The following SHC3 variants were observed in gnomAD, a reference collection of about 807,000 sequenced individuals.
The protein encoded by SHC3 is SHC adaptor protein 3, also known as SHC-transforming protein 3.
Under a neutral mutation model 60.4 loss-of-function variants are expected in SHC3, and 15 were observed. The observed-to-expected ratio is 0.25, with a 90% CI of 0.17 to 0.38. The LOEUF (loss-of-function observed/expected upper bound fraction) is 0.38. SHC3 is among the 10% of genes least tolerant of loss of function. The pLI is 1.00. For missense variants in SHC3, 677 were observed against 786.1 expected (o/e 0.86, Z 1.66); for synonymous variants, 294 against 325.9 (o/e 0.90, Z 1.05).
chr9:89,089,931 G>A (rs79564536), intron 2 of SHC3, among the ~76,000 whole-genome samples: 2,072 of 152,316 alleles, frequency 0.014, 20 homozygotes, highest in South Asian at 0.034. Context: ...CTGCCGGGCA[G>A]GGCCGCCAGC....
At chr9:89,046,677 C>T (rs1824780279) in intron 8 of SHC3, among the ~76,000 whole-genome samples, 167 bp downstream of exon 8, 1 of 152,192 alleles carries the variant, frequency 6.6e-6, no homozygotes, top group South Asian at 2.1e-4. Context: ...TAACCCAAAG[C>T]CTCTCTTCAT....
Position 89,012,580 on chromosome 9 carries a change from G to C in SHC3, c.*867C>G, listed in dbSNP as rs1587672172. Reference sequence around the variant, plus strand: ...GCAGCCTGTAGTCAACCGCTGACTAGAGGGAGACACAAACCAGGAATTTGC... The same window carrying C: ...GCAGCCTGTAGTCAACCGCTGACTACAGGGAGACACAAACCAGGAATTTGC... On this transcript the variant is annotated 3_prime_UTR_variant, in exon 12 of 12. Coordinates refer to ENST00000375835, the MANE Select transcript of SHC3 (RefSeq NM_016848.6). 1 of 152,196 alleles carries C rather than the reference G, an allele frequency of 6.6e-6. No homozygotes were observed. Among genetic ancestry groups the C allele is most frequent in the East Asian group, 1.9e-4 (1 of 5,196 alleles). 9.4% of individuals were successfully genotyped at this position (152,196 alleles called of 1,614,324 possible). A position where few individuals can be genotyped will look rare whatever the true frequency, so the allele number is the denominator to read the frequency against.
intron 11 of SHC3, among the ~76,000 whole-genome samples, chr9:89,022,073 C>T (rs577224422): frequency 4.5e-4 from 68 of 152,252 alleles, no homozygotes; most frequent in African/African-American, 1.6e-3. Flanking sequence ...TCAGCTGGTC[C>T]TCCAGCAAAC....
At chr9:89,017,887 G>T (rs1826122695) in intron 11 of SHC3, among the ~76,000 whole-genome samples, 5 of 152,180 alleles carry the variant, frequency 3.3e-5, no homozygotes, top group Admixed American at 2.0e-4. Context: ...ACAAACGTAT[G>T]AAAAGAAGCT....
chr9:89,048,819 C>T (rs1824814902), intron 7 of SHC3, among the ~76,000 whole-genome samples: 1 of 152,160 alleles, frequency 6.6e-6, no homozygotes, highest in Admixed American at 6.5e-5. Flanking sequence ...AAACGGAAGG[C>T]AGGGCAAGCT....
chr9:89,118,793 G>A (rs1489470651), intron 1 of SHC3, among the ~76,000 whole-genome samples: 1 of 152,074 alleles, frequency 6.6e-6, no homozygotes, highest in Non-Finnish European at 1.5e-5. Context: ...CCAGTAGGAG[G>A]GCAAAGCGAG....
intron 1 of SHC3, among the ~76,000 whole-genome samples, chr9:89,115,563 C>G (rs1826008298): frequency 6.6e-6 from 1 of 152,010 alleles, no homozygotes; most frequent in Non-Finnish European, 1.5e-5. Context: ...GTGCCATGTG[C>G]ATACCACCAG....
chr9:89,076,123 G>A (rs1825354286), intron 3 of SHC3, among the ~76,000 whole-genome samples: 1 of 152,130 alleles, frequency 6.6e-6, no homozygotes, highest in Non-Finnish European at 1.5e-5. Flanking sequence ...TTTCCACCAA[G>A]AGAACCATGA....
intron 1 of SHC3, among the ~76,000 whole-genome samples, chr9:89,135,173 G>C (rs1042066591): frequency 6.6e-6 from 1 of 152,158 alleles, no homozygotes; most frequent in East Asian, 1.9e-4. Flanking sequence ...TGACTCAAAC[G>C]GTGTGCTTTC....
In SHC3 at chr9:89,074,253, C is replaced by T. The variant is rs929772230; in HGVS notation, c.729+856G>A. Among the ~76,000 whole-genome samples, 10 of 152,002 alleles carry T rather than the reference C, an allele frequency of 6.6e-5. No individual in the cohort carries two copies. The East Asian group carries it at 1.7e-3, about 26-fold the overall frequency. Reference sequence around the variant, plus strand: ...CTGCGGGCATCCCTGGTGACAATGTCGGAATCAGGTAGAGTATTATATAGA... The same window carrying T: ...CTGCGGGCATCCCTGGTGACAATGTTGGAATCAGGTAGAGTATTATATAGA... On this transcript the variant is annotated intron_variant, in intron 4 of 11. Transcript: ENST00000375835.
chr9:89,164,850 C>A (rs1178129569), intron 1 of SHC3, among the ~76,000 whole-genome samples: 2 of 152,070 alleles, frequency 1.3e-5, no homozygotes, highest in Admixed American at 1.3e-4. Context: ...CACTTTGTAG[C>A]CAGGAGCAAC....
At chr9:89,018,011 G>A (rs1461522482) in intron 11 of SHC3, among the ~76,000 whole-genome samples, 1 of 152,152 alleles carries the variant, frequency 6.6e-6, no homozygotes, top group Non-Finnish European at 1.5e-5. Flanking sequence ...GAGAGGATGT[G>A]GAAAAATAGG....
chr9:89,174,377 C>T (rs1218234911), intron 1 of SHC3, among the ~76,000 whole-genome samples: 4 of 152,220 alleles, frequency 2.6e-5, no homozygotes. Flanking sequence ...TAATGCAGTA[C>T]TTTTCTGATC....
At chr9:89,158,561 T>C (rs1271805248) in intron 1 of SHC3, among the ~76,000 whole-genome samples, 1 of 152,214 alleles carries the variant, frequency 6.6e-6, no homozygotes, top group East Asian at 1.9e-4. Flanking sequence ...TCAGCTTTTG[T>C]CCATCCTTGC....
rs192868138 is a variant in SHC3 at position 89,101,617 on chromosome 9, A to T, written c.545+10939T>A. On this transcript the variant is annotated intron_variant, in intron 2 of 11. Coordinates refer to ENST00000375835, the MANE Select transcript of SHC3 (RefSeq NM_016848.6). The stretch of plus-strand genomic sequence containing the variant: ...TGTTGAGATTTTCATATATATATAT[A>T]TATTTTTTTTAATTTGCCAATATGG... Among the ~76,000 whole-genome samples the T allele has an allele frequency of 1.0e-2, 1,492 of 149,438 alleles. 6 individuals carry two copies. The highest frequency in any genetic ancestry group is 0.017 in the African/African-American group (711 of 40,952).
At chr9:89,177,819 C>A (rs1215678154) in intron 1 of SHC3, among the ~76,000 whole-genome samples, 168 bp downstream of exon 1, 1 of 152,256 alleles carries the variant, frequency 6.6e-6, no homozygotes, top group Non-Finnish European at 1.5e-5. Context: ...TTGTAGTTCC[C>A]TCCTCACCGC....
At chr9:89,149,390 C>T (rs938952487) in intron 1 of SHC3, among the ~76,000 whole-genome samples, 3 of 152,090 alleles carry the variant, frequency 2.0e-5, no homozygotes, top group African/African-American at 7.2e-5. Flanking sequence ...TCAGAAATTA[C>T]ATTTTATTTA....
At chr9:89,093,553 C>CA (rs202123276) in intron 2 of SHC3, among the ~76,000 whole-genome samples, 198 of 113,148 alleles carry the variant, frequency 1.7e-3, no homozygotes, top group Middle Eastern at 5.3e-3. Context: ...GTAGAGTCTC[C>CA]AAAAAAAAAA....
Position 89,112,631 on chromosome 9 carries a change from A to T in SHC3, c.475-5T>A. ...AACTTCAATGCACCCCAAGTACTGC[A>T]AGGGGAAAAAATGTAAATCGTGAGC... is the stretch of plus-strand genomic sequence containing the variant. On this transcript the variant is annotated splice_region_variant and splice_polypyrimidine_tract_variant and intron_variant, in intron 1 of 11. Transcript: ENST00000375835. 1 of 1,581,802 alleles carries T rather than the reference A, an allele frequency of 6.3e-7. No homozygotes were observed. The highest frequency in any genetic ancestry group is 1.2e-5 in the South Asian group (1 of 84,704).
Sources: gnomAD v4.1 joint callset for allele counts (sites outside exome capture counted in the v4.1 genomes callset) on GRCh38, gnomAD v4.1.1 for gene constraint, MANE v1.5 for transcripts, NCBI Gene and HGNC (gene_info 2026-07-23, HGNC 2026-07-21) for gene names.